ZNF609: variants seen among roughly 807,000 people sequenced by gnomAD.
The protein encoded by ZNF609 is zinc finger protein 609.
ZNF609 carries 11 observed loss-of-function variants against 109.5 expected under a neutral mutation model. That is an observed-to-expected ratio of 0.10 (90% CI 0.06 to 0.17). The LOEUF is 0.17. ZNF609 is among the 10% of genes least tolerant of loss of function. ZNF609 has a pLI of 1.00. For missense variants in ZNF609, 1,559 were observed against 1,772.4 expected, an observed-to-expected ratio of 0.88 and a Z score of 2.16; for synonymous variants, 646 against 662.0, an observed-to-expected ratio of 0.98 and a Z score of 0.37.
At chr15:64,621,724 T>G (rs1271025738) in intron 2 of ZNF609, among the ~76,000 whole-genome samples, 1 of 151,950 alleles carries the variant, frequency 6.6e-6, no homozygotes, top group Non-Finnish European at 1.5e-5. Context: ...TACATTCTTG[T>G]GAGAGGTTCT....
intron 2 of ZNF609, chr15:64,528,743 AT>A: frequency 1.0e-6 from 1 of 984,274 alleles, no homozygotes; most frequent in East Asian, 2.4e-5. Flanking sequence ...ATACCAGGAA[AT>A]TAGCTTGACA....
intron 2 of ZNF609, among the ~76,000 whole-genome samples, chr15:64,534,200 G>A (rs372801427): frequency 2.0e-5 from 3 of 151,356 alleles, no homozygotes; most frequent in Non-Finnish European, 2.9e-5. Context: ...TAGTAGAGAC[G>A]GGGTTTCTCC....
At chr15:64,547,387 T>A (rs1054791684) in intron 2 of ZNF609, among the ~76,000 whole-genome samples, 1 of 152,212 alleles carries the variant, frequency 6.6e-6, no homozygotes, top group Non-Finnish European at 1.5e-5. Context: ...GGTCTCTGCA[T>A]GCATGTTAGG....
chr15:64,563,295 C>A (rs1567015328), intron 2 of ZNF609, among the ~76,000 whole-genome samples: 1 of 149,132 alleles, frequency 6.7e-6, no homozygotes, highest in Non-Finnish European at 1.5e-5. Context: ...ACAAAATATA[C>A]AGAAATTAGC....
intron 3 of ZNF609, among the ~76,000 whole-genome samples, chr15:64,638,803 G>A (rs910421771): frequency 6.6e-6 from 1 of 152,192 alleles, no homozygotes; most frequent in African/African-American, 2.4e-5. Context: ...GCTGAGGTGG[G>A]AGGATCACCT....
chr15:64,551,394 G>A (rs1894469431), intron 2 of ZNF609, among the ~76,000 whole-genome samples: 2 of 152,094 alleles, frequency 1.3e-5, no homozygotes, highest in Non-Finnish European at 1.5e-5. Context: ...GGTGGCTCAC[G>A]CCTGTAATCC....
chr15:64,576,307 C>T (rs1894952109), intron 2 of ZNF609, among the ~76,000 whole-genome samples: 1 of 151,920 alleles, frequency 6.6e-6, no homozygotes, highest in African/African-American at 2.4e-5. Flanking sequence ...TACTTGCTGC[C>T]AGTTTCATGA....
At chr15:64,592,738 G>A (rs909693756) in intron 2 of ZNF609, among the ~76,000 whole-genome samples, 4 of 141,180 alleles carry the variant, frequency 2.8e-5, no homozygotes, top group Non-Finnish European at 6.1e-5. Flanking sequence ...CCAACATGAT[G>A]AAACCCCATT....
chr15:64,558,185 C>T (rs988739462), intron 2 of ZNF609, among the ~76,000 whole-genome samples: 3 of 152,182 alleles, frequency 2.0e-5, no homozygotes, highest in Non-Finnish European at 4.4e-5. Flanking sequence ...TCCATTATTG[C>T]TGTACCTTTT....
At chr15:64,643,902 C>T (rs74665328) in intron 3 of ZNF609, 2,163 of 152,152 alleles carry the variant, frequency 0.014, 27 homozygotes, top group Non-Finnish European at 0.022. Context: ...TTTAGACCAA[C>T]CTGGGCAACA....
chr15:64,647,896 T>C (rs1896358368), intron 3 of ZNF609, among the ~76,000 whole-genome samples: 1 of 152,228 alleles, frequency 6.6e-6, no homozygotes, highest in Non-Finnish European at 1.5e-5. Context: ...TGCTGCATTT[T>C]GCCTACTTGG....
Position 64,499,858 on chromosome 15 carries a change from G to A in ZNF609, c.439G>A (p.Ala147Thr), listed in dbSNP as rs199605516. The change falls in exon 2 of 10, where the codon GCT becomes ACT. Residue 147 changes from alanine to threonine, a missense_variant. Coordinates refer to ENST00000326648, the MANE Select transcript of ZNF609 (RefSeq NM_015042.2). ...AIAPKGSEKA[A>T]KASRSVAGSK... is the part of the protein sequence containing the mutation. The stretch of plus-strand genomic sequence containing the variant: ...TGCTCCCAAGGGCTCAGAGAAGGCG[G>A]CTAAGGCATCCCGCAGTGTAGCCGG... The A allele has an allele frequency of 4.3e-6, 7 of 1,614,042 alleles. No individual in the cohort carries two copies. The Admixed American group carries it at 6.7e-5, about 15-fold the overall frequency.
chr15:64,574,586 T>C (rs1894917567), intron 2 of ZNF609, among the ~76,000 whole-genome samples: 1 of 152,180 alleles, frequency 6.6e-6, no homozygotes, highest in South Asian at 2.1e-4. Flanking sequence ...CATATCTTTA[T>C]TGCTGCTTGG....
chr15:64,672,509 C>T (rs1342067491), intron 4 of ZNF609, among the ~76,000 whole-genome samples: 1 of 149,796 alleles, frequency 6.7e-6, no homozygotes, highest in Non-Finnish European at 1.5e-5. Context: ...CCTGTAACCC[C>T]AGCTACTCGG....
chr15:64,474,320 TCTC>T (rs1893135236), intron 1 of ZNF609, among the ~76,000 whole-genome samples: 1 of 149,980 alleles, frequency 6.7e-6, no homozygotes, highest in Admixed American at 6.6e-5. Context: ...TTCAAGCAAT[TCTC>T]CTGCCTCAGC....
At chr15:64,599,688 TACAATA>T (rs1024494748) in intron 2 of ZNF609, among the ~76,000 whole-genome samples, 24 of 152,174 alleles carry the variant, frequency 1.6e-4, no homozygotes, top group African/African-American at 5.8e-4. Context: ...GATATACAGA[TACAATA>T]ACATCATACC....
At chr15:64,571,853 G>A (rs1274619893) in intron 2 of ZNF609, among the ~76,000 whole-genome samples, 1 of 152,050 alleles carries the variant, frequency 6.6e-6, no homozygotes, top group Non-Finnish European at 1.5e-5. Flanking sequence ...TATTTTTTTA[G>A]TAGAGACAAG....
intron 1 of ZNF609, among the ~76,000 whole-genome samples, chr15:64,491,381 T>C (rs905871649): frequency 1.3e-5 from 2 of 152,208 alleles, no homozygotes; most frequent in Non-Finnish European, 2.9e-5. Flanking sequence ...GATGGTATAA[T>C]ATGGTTACCT....
At chr15:64,461,245 GTTC>G (rs1477182544) in intron 1 of ZNF609, among the ~76,000 whole-genome samples, 11 of 41,964 alleles carry the variant, frequency 2.6e-4, no homozygotes, top group Admixed American at 1.0e-3. Context: ...GGTGGTGGTT[GTTC>G]AGAGCATAGG....
Sources: gnomAD v4.1 joint callset for allele counts (sites outside exome capture counted in the v4.1 genomes callset) on GRCh38, gnomAD v4.1.1 for gene constraint, MANE v1.5 for transcripts, NCBI Gene and HGNC (gene_info 2026-07-23, HGNC 2026-07-21) for gene names.